Variants in KIF17 observed in about 807,000 individuals in gnomAD.
The protein encoded by KIF17 is kinesin family member 17, also known as kinesin-like protein KIF17.
A neutral mutation model predicts 96.8 loss-of-function variants in KIF17; 80 were observed. The observed-to-expected ratio is 0.83, with a 90% CI of 0.69 to 1.00. KIF17 has a LOEUF of 1.00. Ranked by LOEUF, KIF17 falls within the 50% of genes least tolerant of loss-of-function variation. KIF17 has a pLI of 0.00. For missense variants in KIF17, 1,280 were observed against 1,372.9 expected (o/e 0.93, Z 1.07); for synonymous variants, 567 against 587.5 (o/e 0.97, Z 0.51).
At chr1:20,681,744 C>A (rs928061145) in intron 11 of KIF17, among the ~76,000 whole-genome samples, 1 of 152,142 alleles carries the variant, frequency 6.6e-6, no homozygotes, top group Non-Finnish European at 1.5e-5. Flanking sequence ...AAGATGCTGA[C>A]CTCACTCCTG....
rs1235406006 is a variant in KIF17 at position 20,690,178 on chromosome 1, G to C, written c.1381+10C>G. The C allele has an allele frequency of 1.9e-6, 3 of 1,613,920 alleles. No individual in the cohort carries two copies. The highest frequency in any genetic ancestry group is 2.5e-6 in the Non-Finnish European group (3 of 1,180,022). ...CCTGGAGACAGCCTCGGGGGGCAAG[G>C]GGTGCCCACCTGTCTCCTTCCGCAG... On this transcript the variant is annotated intron_variant, in intron 7 of 14. Coordinates refer to ENST00000400463, the MANE Select transcript of KIF17 (RefSeq NM_001122819.3).
Position 20,704,821 on chromosome 1 carries a change from G to T in KIF17, c.749C>A (p.Thr250Asn). ...CTTGAGCCGCTCGCCCGTGGCCCCG[G>T]TCTTGGACTGCCGCTCGCTGCCCGC... ...DLAGSERQSKTGATGERLKEA... is the reference protein window; with the variant it reads ...DLAGSERQSKNGATGERLKEA... Residue 250 changes from threonine to asparagine, a missense_variant, in exon 5 of 15, where the codon ACC becomes AAC. Transcript: ENST00000400463. The surrounding 1 kb of genome is among the most constrained non-coding windows in gnomAD (Gnocchi z 6.8). 6.2e-7 allele frequency: 1 copy of T among 1,606,950 alleles called. No individual in the cohort carries two copies.
intron 13 of KIF17, among the ~76,000 whole-genome samples, chr1:20,670,026 G>A (rs1181952724): frequency 6.6e-6 from 1 of 150,778 alleles, no homozygotes; most frequent in East Asian, 1.9e-4. Context: ...TATGAGAGAC[G>A]GGAAAATAAA....
downstream of KIF17, among the ~76,000 whole-genome samples, chr1:20,663,085 G>T (rs938989184): frequency 6.6e-6 from 1 of 152,114 alleles, no homozygotes; most frequent in Non-Finnish European, 1.5e-5. Context: ...TTAGCCGGGC[G>T]TGGTGGTGGG....
intron 10 of KIF17, among the ~76,000 whole-genome samples, chr1:20,683,366 A>C (rs962479612): frequency 2.0e-5 from 3 of 152,194 alleles, no homozygotes; most frequent in African/African-American, 7.2e-5. Flanking sequence ...TAGAGGTACA[A>C]ATTTTTGGCT....
At chr1:20,662,702 A>G (rs1033066649), downstream of KIF17, among the ~76,000 whole-genome samples, 2 of 152,102 alleles carry the variant, frequency 1.3e-5, no homozygotes, top group Admixed American at 1.3e-4. Flanking sequence ...ACCTACACTC[A>G]TCTCAGCAGC....
Position 20,704,493 on chromosome 1 carries a change from C to T in KIF17, c.1077G>A (p.Lys359=). Residue 359 remains lysine, a synonymous_variant, in exon 5 of 15, where the codon AAG becomes AAA. Transcript: ENST00000400463. The surrounding 1 kb of genome is among the most constrained non-coding windows in gnomAD (Gnocchi z 6.8). ...TCTGCTGTGTCAGGATGGCCTTGAG[C>T]TTCTTGATCTCCTCCTGGTACTCGC... ...LLREYQEEIK[K]LKAILTQQMS... 1 of 1,614,214 alleles carries T rather than the reference C, an allele frequency of 6.2e-7. No individual in the cohort carries two copies. The highest frequency in any genetic ancestry group is 8.5e-7 in the Non-Finnish European group (1 of 1,180,020).
chr1:20,685,307 C>T lies in KIF17; in HGVS notation c.2020-287G>A, dbSNP rs2053917886. 1.6e-6 allele frequency: 1 copy of T among 617,790 alleles called. No individual in the cohort carries two copies. Among genetic ancestry groups the T allele is most frequent in the African/African-American group, 1.8e-5 (1 of 55,576 alleles). 38.3% of individuals were successfully genotyped at this position (617,790 alleles called of 1,614,324 possible). ...GGGCCATCTTAAAATAGAAACCGAT[C>T]ACATCCCGTTCCCGATGAGCCCCAT... is the stretch of plus-strand genomic sequence containing the variant. On this transcript the variant is annotated intron_variant, in intron 9 of 14. Coordinates refer to ENST00000400463, the MANE Select transcript of KIF17 (RefSeq NM_001122819.3). This position sits in a 1 kb window ranked among gnomAD's most constrained non-coding sequence, Gnocchi z 4.1.
chr1:20,667,148 G>A (rs1311162027), intron 13 of KIF17, among the ~76,000 whole-genome samples: 2 of 152,182 alleles, frequency 1.3e-5, no homozygotes, highest in Non-Finnish European at 2.9e-5. Context: ...CAGGAAGTGA[G>A]CGGCAGGTGA....
At position 20,690,300 on chromosome 1, in the gene KIF17, G is replaced by T. The variant is rs560262440; in HGVS notation, c.1269C>A (p.Asp423Glu). The change falls in exon 7 of 15, where the codon GAC becomes GAA. Residue 423 changes from aspartate to glutamate, a missense_variant. Physicochemically the swap from Asp to Glu is conservative, Grantham distance 45 (BLOSUM62 2). Coordinates refer to ENST00000400463, the MANE Select transcript of KIF17 (RefSeq NM_001122819.3). The stretch of plus-strand genomic sequence containing the variant: ...CCCGAGACTCCTGCTCGGCCTTATA[G>T]TCGGCTTTCAGCCGGGCCAGGCGCT... ...YEERLARLKA[D>E]YKAEQESRAR... 4.4e-6 allele frequency: 7 copies of T among 1,607,790 alleles called. No homozygotes were observed. The African/African-American group carries it at 8.2e-5, about 19-fold the overall frequency.
At chr1:20,674,575 C>CTTTTTTT (rs34777403) in intron 11 of KIF17, among the ~76,000 whole-genome samples, 1 of 142,298 alleles carries the variant, frequency 7.0e-6, no homozygotes, top group Admixed American at 7.0e-5. Context: ...ATTTATCCCT[C>CTTTTTTT]TTTTTTTTTT....
chr1:20,712,880 A>ATTATATATAGATAATATC (rs1377621616), intron 3 of KIF17, among the ~76,000 whole-genome samples: 6 of 27,572 alleles, frequency 2.2e-4, no homozygotes, highest in African/African-American at 8.0e-4. Context: ...TATTATCTAT[A>ATTATATATAGATAATATC]TATAATATAG....
At position 20,690,169 on chromosome 1, in the gene KIF17, G is replaced by T. The variant is rs1374449918; in HGVS notation, c.1381+19C>A. On this transcript the variant is annotated intron_variant, in intron 7 of 14. Coordinates refer to ENST00000400463, the MANE Select transcript of KIF17 (RefSeq NM_001122819.3). ...GCCACCTTCCCTGGAGACAGCCTCG[G>T]GGGGCAAGGGGTGCCCACCTGTCTC... The T allele has an allele frequency of 5.0e-6, 8 of 1,613,836 alleles. No homozygotes were observed. Among genetic ancestry groups the T allele is most frequent in the Admixed American group, 3.3e-5 (2 of 59,992 alleles).
chr1:20,701,174 C>T (rs1171487652), intron 5 of KIF17, among the ~76,000 whole-genome samples: 1 of 152,226 alleles, frequency 6.6e-6, no homozygotes, highest in East Asian at 1.9e-4. Flanking sequence ...TGGCTCATGC[C>T]TGTAATCTCA....
chr1:20,677,828 C>A (rs1258211188), intron 11 of KIF17, among the ~76,000 whole-genome samples: 2 of 152,240 alleles, frequency 1.3e-5, no homozygotes, highest in South Asian at 2.1e-4. Flanking sequence ...TGCACTCCAG[C>A]CTGAGCAACA....
chr1:20,688,735 T>A (rs922212494), intron 7 of KIF17, among the ~76,000 whole-genome samples: 1 of 152,164 alleles, frequency 6.6e-6, no homozygotes, highest in Non-Finnish European at 1.5e-5. Flanking sequence ...GCTAAATGAA[T>A]GCTGTGGATG....
rs1254256761 is a variant in KIF17, at chr1:20,700,962, A to G, written c.1124-2474T>C. 6.6e-6 allele frequency among the ~76,000 whole-genome samples: 1 copy of G among 151,982 alleles called. No homozygotes were observed. The highest frequency in any genetic ancestry group is 1.5e-5 in the Non-Finnish European group (1 of 68,008). Reference sequence around the variant, plus strand: ...TCCCAGGCCTTGCTGTGTGTTTCCCACAGGAAGCCCAGTAAAGGCTGTGGC... The same window carrying G: ...TCCCAGGCCTTGCTGTGTGTTTCCCGCAGGAAGCCCAGTAAAGGCTGTGGC... On this transcript the variant is annotated intron_variant, in intron 5 of 14. Coordinates refer to ENST00000400463, the MANE Select transcript of KIF17 (RefSeq NM_001122819.3). This position sits in a 1 kb window ranked among gnomAD's most constrained non-coding sequence, Gnocchi z 4.6.
At chr1:20,666,940 T>G (rs1388330612) in intron 13 of KIF17, among the ~76,000 whole-genome samples, 1 of 152,186 alleles carries the variant, frequency 6.6e-6, no homozygotes, top group Admixed American at 6.5e-5. Context: ...GCTGGACATG[T>G]GACCCAGACT....
chr1:20,717,783 G>A lies in KIF17; in HGVS notation c.-77C>T. 7.1e-7 allele frequency: 1 copy of A among 1,406,228 alleles called. No individual in the cohort carries two copies. The highest frequency in any genetic ancestry group is 9.2e-7 in the Non-Finnish European group (1 of 1,088,650). The allele number at this position is 1,406,228 out of a possible 1,614,324, so 87.1% of individuals were successfully genotyped here. On this transcript the variant is annotated 5_prime_UTR_variant, in exon 1 of 15. Coordinates refer to ENST00000400463, the MANE Select transcript of KIF17 (RefSeq NM_001122819.3). The stretch of plus-strand genomic sequence containing the variant: ...GACTCCCAGCAGCCCGGGCCAAGGG[G>A]CGGGGCCAGCGCCGGCCACGGGGGG...
Sources: gnomAD v4.1 joint callset for allele counts (sites outside exome capture counted in the v4.1 genomes callset) on GRCh38, gnomAD v4.1.1 for gene constraint, Gnocchi (gnomAD v3.1) non-coding constraint, MANE v1.5 for transcripts, NCBI Gene and HGNC (gene_info 2026-07-23, HGNC 2026-07-21) for gene names.